The following PTPN4 variants were observed in gnomAD, a reference collection of about 807,000 sequenced individuals.
PTPN4 encodes tyrosine-protein phosphatase non-receptor type 4.
PTPN4 carries 49 observed loss-of-function variants against 135.5 expected under a neutral mutation model. The ratio of observed to expected loss-of-function variants is 0.36; its 90% confidence interval spans 0.29 to 0.46. PTPN4 has a LOEUF of 0.46. PTPN4 is among the 20% of genes least tolerant of loss of function. The probability of loss-of-function intolerance (pLI) is 1.00; values close to 1 mark genes in which losing one functional copy is unlikely to be tolerated. For synonymous variants in PTPN4, 333 were observed against 369.9 expected (o/e 0.90, Z 1.14); for missense variants, 860 against 1,101.0 (o/e 0.78, Z 3.10).
intron 3 of PTPN4, among the ~76,000 whole-genome samples, chr2:119,870,521 G>A (rs1195025156): frequency 6.6e-6 from 1 of 151,992 alleles, no homozygotes; most frequent in Non-Finnish European, 1.5e-5. Context: ...AAGAGAATCT[G>A]GATAAACTTA....
chr2:119,917,507 G>A (rs566897089), intron 11 of PTPN4, among the ~76,000 whole-genome samples: 1 of 152,296 alleles, frequency 6.6e-6, no homozygotes, highest in South Asian at 2.1e-4. Context: ...GCTGAGGTGG[G>A]TGGATTGCTT....
Position 119,822,152 on chromosome 2 carries a change from T to TC in PTPN4, c.138+12164dup, listed in dbSNP as rs201155147. Among the ~76,000 whole-genome samples, 1,162 of 152,270 alleles carry TC rather than the reference T, an allele frequency of 7.6e-3. 5 individuals are homozygous for TC. Among genetic ancestry groups the TC allele is most frequent in the Middle Eastern group, 0.017 (5 of 294 alleles). On this transcript the variant is annotated intron_variant, in intron 2 of 26. Coordinates refer to ENST00000263708, the MANE Select transcript of PTPN4 (RefSeq NM_002830.4). ...ATTGAGAACTGAGGGACACAACTGT[T>TC]CCCTACATGGATCTTCAACCTTCCT...
chr2:119,956,695 C>T (rs1679292051), intron 20 of PTPN4, 149 bp from the exon 21 acceptor site: 1 of 1,288,336 alleles, frequency 7.8e-7, no homozygotes, highest in Non-Finnish European at 1.0e-6. Flanking sequence ...TGGTTCAGTA[C>T]TCTACTAGAC....
chr2:119,933,309 G>T (rs564682781), intron 14 of PTPN4, among the ~76,000 whole-genome samples: 1 of 152,208 alleles, frequency 6.6e-6, no homozygotes, highest in South Asian at 2.1e-4. Context: ...TTGAATTTTG[G>T]TATGAAATAT....
intron 2 of PTPN4, among the ~76,000 whole-genome samples, chr2:119,841,935 T>C (rs1677387422): frequency 6.6e-6 from 1 of 152,218 alleles, no homozygotes; most frequent in Non-Finnish European, 1.5e-5. Context: ...AGGGTGACAC[T>C]ATCTGTAAGA....
chr2:119,926,746 T>G (rs1678830795), intron 13 of PTPN4, 80 bp downstream of exon 13: 4 of 1,089,998 alleles, frequency 3.7e-6, no homozygotes, highest in Non-Finnish European at 5.3e-6. Context: ...TAAATATTTT[T>G]TCTAAAGTTT....
chr2:119,960,831 A>G lies in PTPN4; in HGVS notation c.2158A>G (p.Ile720Val), dbSNP rs765314185. ...GATGGAAATTCCTTCTTCCAGCATTATAAATCAGTACATTGCTTGTCAAGG... is the reference window on the plus strand; with the variant it reads ...GATGGAAATTCCTTCTTCCAGCATTGTAAATCAGTACATTGCTTGTCAAGG... ...INMEIPSSSI[I>V]NQYIACQGPL... Residue 720 changes from isoleucine to valine, a missense_variant, in exon 23 of 27, where the codon ATA becomes GTA. Around this residue, in one of 2 missense-constraint regions of PTPN4, gnomAD observed 176 missense variants for 294.1 expected, o/e 0.60. Transcript: ENST00000263708. The G allele has an allele frequency of 4.6e-5, 74 of 1,609,596 alleles. No individual in the cohort carries two copies. The East Asian group carries it at 1.5e-3, about 32-fold the overall frequency.
intron 2 of PTPN4, among the ~76,000 whole-genome samples, chr2:119,845,185 G>A: frequency 2.1e-5 from 3 of 143,068 alleles, no homozygotes; most frequent in Non-Finnish European, 4.6e-5. Flanking sequence ...GAGCCGAGAT[G>A]GCAGCAGTAC....
Position 119,967,653 on chromosome 2 carries a change from G to A in PTPN4, c.2559-184G>A, listed in dbSNP as rs557071677. On this transcript the variant is annotated intron_variant, in intron 25 of 26. Transcript: ENST00000263708. ...GTGGTAGATGGAAGATACAGAACAA[G>A]TAATTGAGTCAGTGCATTTTTTTTC... Among the ~76,000 whole-genome samples the A allele has an allele frequency of 3.9e-5, 6 of 152,212 alleles. No individual in the cohort carries two copies. In the South Asian group the frequency reaches 8.3e-4, roughly 21 times the overall value.
intron 18 of PTPN4, among the ~76,000 whole-genome samples, chr2:119,951,367 T>A (rs1286881165): frequency 6.6e-6 from 1 of 152,220 alleles, no homozygotes; most frequent in East Asian, 1.9e-4. Context: ...CTTTCATCTT[T>A]TGTGATCAAT....
chr2:119,931,341 C>T (rs181151311), intron 13 of PTPN4, among the ~76,000 whole-genome samples: 365 of 148,634 alleles, frequency 2.5e-3, no homozygotes, highest in African/African-American at 8.5e-3. Flanking sequence ...TATTTGTTAA[C>T]ATTCCTAAAA....
At chr2:119,760,740 T>TTTC (rs1690473355) in intron 1 of PTPN4, among the ~76,000 whole-genome samples, 1 of 136,640 alleles carries the variant, frequency 7.3e-6, no homozygotes, top group Non-Finnish European at 1.6e-5. Flanking sequence ...TTCCTTTTTT[T>TTTC]TTTTTTTTTT....
At chr2:119,959,831 A>G (rs1189717575) in intron 22 of PTPN4, among the ~76,000 whole-genome samples, 1 of 152,180 alleles carries the variant, frequency 6.6e-6, no homozygotes, top group Non-Finnish European at 1.5e-5. Flanking sequence ...AAATGAGCAC[A>G]GGTTGGGGCA....
At chr2:119,976,160 T>C (rs1679614779) in intron 26 of PTPN4, among the ~76,000 whole-genome samples, 1 of 151,726 alleles carries the variant, frequency 6.6e-6, no homozygotes, top group Non-Finnish European at 1.5e-5. Flanking sequence ...CACGCCCGGC[T>C]AATTTTTTTT....
At chr2:119,907,596 C>A (rs1038457224) in intron 10 of PTPN4, among the ~76,000 whole-genome samples, 1 of 109,992 alleles carries the variant, frequency 9.1e-6, no homozygotes, top group African/African-American at 3.2e-5. Flanking sequence ...CAGAGTGAGA[C>A]CCTTTCTCTA....
intron 5 of PTPN4, among the ~76,000 whole-genome samples, chr2:119,880,719 A>C (rs1678059027): frequency 6.6e-6 from 1 of 151,924 alleles, no homozygotes; most frequent in Non-Finnish European, 1.5e-5. Flanking sequence ...TGAATTATTA[A>C]ACCAAAACAG....
rs1323123217 is a variant in PTPN4, at chr2:119,978,923, A to C, written c.*1853A>C. On this transcript the variant is annotated 3_prime_UTR_variant, in exon 27 of 27. Coordinates refer to ENST00000263708, the MANE Select transcript of PTPN4 (RefSeq NM_002830.4). Reference sequence around the variant, plus strand: ...ACATTAATAGCCAAGATACCAAATAAATTATCATATTAAAATATTTAAGTT... The same window carrying C: ...ACATTAATAGCCAAGATACCAAATACATTATCATATTAAAATATTTAAGTT... The C allele has an allele frequency of 6.6e-6, 1 of 152,112 alleles. No individual in the cohort carries two copies. Among genetic ancestry groups the C allele is most frequent in the African/African-American group, 2.4e-5 (1 of 41,460 alleles). 9.4% of individuals were successfully genotyped at this position (152,112 alleles called of 1,614,324 possible). A position where few individuals can be genotyped will look rare whatever the true frequency, so the allele number is the denominator to read the frequency against.
intron 19 of PTPN4, 62 bp downstream of exon 19, chr2:119,952,191 C>G: frequency 7.1e-7 from 1 of 1,416,772 alleles, no homozygotes; most frequent in Non-Finnish European, 9.6e-7. Flanking sequence ...TTACTGAGCA[C>G]AGCAGCCAGA....
intron 2 of PTPN4, among the ~76,000 whole-genome samples, chr2:119,827,870 G>C (rs113364777): frequency 1.3e-5 from 2 of 152,196 alleles, no homozygotes; most frequent in African/African-American, 4.8e-5. Context: ...CCCCATTGCT[G>C]TATAATACTT....
Sources: allele counts gnomAD v4.1 joint callset (sites outside exome capture counted in the v4.1 genomes callset), GRCh38; gene constraint gnomAD v4.1.1; regional missense constraint gnomAD v4.1.1; transcripts MANE v1.5; gene names NCBI Gene and HGNC (gene_info 2026-07-23, HGNC 2026-07-21).